The following DENND1B variants were observed in gnomAD, a reference collection of about 807,000 sequenced individuals.
The protein encoded by DENND1B is DENN domain-containing protein 1B.
In DENND1B, 59 loss-of-function variants were observed where a neutral mutation model predicts 90.1. The observed-to-expected ratio is 0.65, with a 90% CI of 0.53 to 0.81. DENND1B has a LOEUF of 0.81. DENND1B is among the 40% of genes least tolerant of loss of function. DENND1B has a pLI of 0.00. For synonymous variants in DENND1B, 337 were observed against 324.6 expected, an observed-to-expected ratio of 1.04 and a Z score of -0.41; for missense variants, 862 against 912.6, an observed-to-expected ratio of 0.94 and a Z score of 0.71.
chr1:197,774,879 G>A (rs1312476860), intron 1 of DENND1B, among the ~76,000 whole-genome samples: 1 of 152,032 alleles, frequency 6.6e-6, no homozygotes, highest in Non-Finnish European at 1.5e-5. Context: ...GGCGGGCGTC[G>A]ACAAGGCGCT....
At chr1:197,628,682 TA>T (rs1404888871) in intron 10 of DENND1B, among the ~76,000 whole-genome samples, 1 of 152,098 alleles carries the variant, frequency 6.6e-6, no homozygotes, top group Non-Finnish European at 1.5e-5. Context: ...AAATGGGATC[TA>T]ATTAAACTAA....
At chr1:197,713,829 A>ATATAATATATTATATATAATATATTAT (rs1660278685) in intron 3 of DENND1B, among the ~76,000 whole-genome samples, 2 of 27,580 alleles carry the variant, frequency 7.3e-5, no homozygotes, top group African/African-American at 1.8e-4. Flanking sequence ...AATATATTAT[A>ATATAATATATTATATATAATATATTAT]TATAATATAT....
chr1:197,721,435 A>C (rs1324124923), intron 2 of DENND1B, among the ~76,000 whole-genome samples: 1 of 152,066 alleles, frequency 6.6e-6, no homozygotes, highest in Admixed American at 6.6e-5. Flanking sequence ...CCACACTTTG[A>C]GAACTAACAG....
chr1:197,527,729 T>C (rs923860320), intron 20 of DENND1B, among the ~76,000 whole-genome samples: 4 of 152,374 alleles, frequency 2.6e-5, no homozygotes, highest in East Asian at 1.9e-4. Flanking sequence ...TATTATTTTG[T>C]AAACGTTTAT....
chr1:197,642,456 C>G (rs1046308207), intron 10 of DENND1B, among the ~76,000 whole-genome samples: 1 of 151,928 alleles, frequency 6.6e-6, no homozygotes, highest in Admixed American at 6.6e-5. Flanking sequence ...AAAATGAACT[C>G]TGGAGAGTTA....
intron 6 of DENND1B, among the ~76,000 whole-genome samples, chr1:197,654,940 C>T (rs1340760478): frequency 1.3e-5 from 2 of 152,030 alleles, no homozygotes; most frequent in East Asian, 3.9e-4. Context: ...ACTGTATCTA[C>T]CAAAGCTATA....
intron 20 of DENND1B, among the ~76,000 whole-genome samples, chr1:197,516,454 T>C (rs572260467): frequency 2.0e-4 from 30 of 151,932 alleles, no homozygotes; most frequent in South Asian, 4.1e-4. Context: ...AAGATAATCA[T>C]AATGTAATCG....
chr1:197,664,019 A>C (rs934199488), intron 5 of DENND1B, among the ~76,000 whole-genome samples: 1 of 151,874 alleles, frequency 6.6e-6, no homozygotes, highest in Non-Finnish European at 1.5e-5. Context: ...ATACACACAC[A>C]CACACACACA....
intron 18 of DENND1B, among the ~76,000 whole-genome samples, chr1:197,544,247 A>AT (rs1228835106): frequency 6.6e-6 from 1 of 152,204 alleles, no homozygotes; most frequent in African/African-American, 2.4e-5. Flanking sequence ...AGGGGAAATA[A>AT]TGTCTGAACT....
At chr1:197,769,157 T>C (rs1400469196) in intron 2 of DENND1B, among the ~76,000 whole-genome samples, 1 of 152,226 alleles carries the variant, frequency 6.6e-6, no homozygotes, top group Non-Finnish European at 1.5e-5. Context: ...TCTAAATACA[T>C]TTTCTATTTG....
chr1:197,752,552 T>C (rs1653694596), intron 2 of DENND1B, among the ~76,000 whole-genome samples: 1 of 152,076 alleles, frequency 6.6e-6, no homozygotes, highest in South Asian at 2.1e-4. Context: ...ATCAGAAATA[T>C]ATTGAAAACA....
chr1:197,773,942 T>C (rs1186356382), intron 1 of DENND1B, among the ~76,000 whole-genome samples: 1 of 152,236 alleles, frequency 6.6e-6, no homozygotes, highest in East Asian at 1.9e-4. Flanking sequence ...ATGCCAGCTC[T>C]GACTTTAAAA....
chr1:197,736,132 T>G, intron 2 of DENND1B: 1 of 643,154 alleles, frequency 1.6e-6, no homozygotes, highest in Non-Finnish European at 2.7e-6. Flanking sequence ...GATTTTTAAA[T>G]AAATATTGGA....
At chr1:197,754,387 A>C (rs1307109727) in intron 2 of DENND1B, among the ~76,000 whole-genome samples, 2 of 152,122 alleles carry the variant, frequency 1.3e-5, no homozygotes, top group African/African-American at 2.4e-5. Context: ...CCAGGTAACT[A>C]TTAAAACTGA....
At chr1:197,623,889 T>C (rs921622085) in intron 10 of DENND1B, among the ~76,000 whole-genome samples, 1 of 151,490 alleles carries the variant, frequency 6.6e-6, no homozygotes, top group Non-Finnish European at 1.5e-5. Flanking sequence ...ATGTATACAA[T>C]CTATATAAGG....
intron 9 of DENND1B, 82 bp from the exon 10 acceptor site, chr1:197,642,903 C>T: frequency 1.1e-6 from 1 of 902,780 alleles, no homozygotes; most frequent in Non-Finnish European, 1.7e-6. Context: ...ACCAGAAAGT[C>T]TTGAAGTTCA....
intron 20 of DENND1B, among the ~76,000 whole-genome samples, chr1:197,524,096 A>G (rs911564541): frequency 6.6e-6 from 1 of 152,132 alleles, no homozygotes; most frequent in African/African-American, 2.4e-5. Flanking sequence ...AACACAAAGG[A>G]AGAAGAGAGC....
intron 3 of DENND1B, among the ~76,000 whole-genome samples, chr1:197,676,082 C>CAAAA (rs3046951): frequency 8.7e-6 from 1 of 114,930 alleles, no homozygotes; most frequent in Non-Finnish European, 1.7e-5. Flanking sequence ...ACAGTATAGA[C>CAAAA]AAAAAAAAAA....
rs1235091977 is a variant in DENND1B at position 197,617,757 on chromosome 1, T to C, written c.675A>G (p.Leu225=). The C allele has an allele frequency of 1.9e-6, 3 of 1,605,584 alleles. No individual in the cohort carries two copies. The South Asian group carries it at 3.3e-5, about 18-fold the overall frequency. Reference sequence around the variant, plus strand: ...CAGCTGATCCATGGATACAGGCAGTTAACTGAAATTTGTAAAAGGATAACA... The same window carrying C: ...CAGCTGATCCATGGATACAGGCAGTCAACTGAAATTTGTAAAAGGATAACA... ...IVIISSKLST[L]TACIHGSAAL... The change falls in exon 11 of 23, where the codon TTA becomes TTG. Residue 225 remains leucine (L), a splice_region_variant and synonymous_variant. Transcript: ENST00000620048.
Sources: gnomAD v4.1 joint callset for allele counts (sites outside exome capture counted in the v4.1 genomes callset) on GRCh38, gnomAD v4.1.1 for gene constraint, MANE v1.5 for transcripts, NCBI Gene and HGNC (gene_info 2026-07-23, HGNC 2026-07-21) for gene names.